Variants in ENAH observed in about 807,000 individuals in gnomAD.
The protein encoded by ENAH is ENAH actin regulator, also known as protein enabled homolog.
ENAH carries 23 observed loss-of-function variants against 78.7 expected under a neutral mutation model. That is an observed-to-expected ratio of 0.29 (90% CI 0.21 to 0.41). ENAH has a LOEUF of 0.41. ENAH is among the 10% of genes least tolerant of loss of function. The pLI is 1.00. For missense variants in ENAH, 544 were observed against 691.0 expected (o/e 0.79, Z 2.39); for synonymous variants, 226 against 241.0 (o/e 0.94, Z 0.58).
At chr1:225,589,710 A>G (rs909327730) in intron 1 of ENAH, among the ~76,000 whole-genome samples, 1 of 152,194 alleles carries the variant, frequency 6.6e-6, no homozygotes, top group Non-Finnish European at 1.5e-5. Context: ...AACTGTATAC[A>G]GAGAAGGATG....
intron 1 of ENAH, among the ~76,000 whole-genome samples, chr1:225,593,400 T>TGGGGGGGGGG (rs1456095465): frequency 4.9e-5 from 1 of 20,462 alleles, no homozygotes; most frequent in East Asian, 1.4e-3. Context: ...TGTGTGTGTG[T>TGGGGGGGGGG]GGGGGGGGGG....
At chr1:225,630,712 T>C (rs147969849) in intron 1 of ENAH, among the ~76,000 whole-genome samples, 3 of 152,332 alleles carry the variant, frequency 2.0e-5, no homozygotes, top group Non-Finnish European at 4.4e-5. Flanking sequence ...CATACAAGTT[T>C]AGGGTTCCTA....
intron 4 of ENAH, among the ~76,000 whole-genome samples, chr1:225,526,750 T>G (rs751740603): frequency 6.6e-6 from 1 of 152,226 alleles, no homozygotes; most frequent in Non-Finnish European, 1.5e-5. Flanking sequence ...ATTTCATCAA[T>G]GAAATATATT....
intron 1 of ENAH, among the ~76,000 whole-genome samples, chr1:225,626,176 TTCTCA>T (rs1331852210): frequency 1.3e-5 from 2 of 152,220 alleles, no homozygotes; most frequent in Non-Finnish European, 2.9e-5. Context: ...GTCAGCTCTG[TTCTCA>T]TCTTTGAGGT....
intron 1 of ENAH, among the ~76,000 whole-genome samples, chr1:225,627,111 G>C (rs1457870460): frequency 6.6e-6 from 1 of 152,156 alleles, no homozygotes; most frequent in Non-Finnish European, 1.5e-5. Flanking sequence ...GAGAAAGACA[G>C]TTTTAATACA....
At chr1:225,588,469 T>C (rs1239624019) in intron 1 of ENAH, among the ~76,000 whole-genome samples, 1 of 152,144 alleles carries the variant, frequency 6.6e-6, no homozygotes, top group Non-Finnish European at 1.5e-5. Flanking sequence ...TAACCCTAAC[T>C]CCCACACAGC....
intron 3 of ENAH, among the ~76,000 whole-genome samples, chr1:225,548,210 C>CT (rs74723965): frequency 0.67 from 96,883 of 144,106 alleles, 32,341 homozygotes; most frequent in Middle Eastern, 0.76. Context: ...TTTTCATTTT[C>CT]TTTTTTTTTT....
At chr1:225,638,317 C>T (rs545042036) in intron 1 of ENAH, among the ~76,000 whole-genome samples, 1 of 152,094 alleles carries the variant, frequency 6.6e-6, no homozygotes, top group South Asian at 2.1e-4. Context: ...CACCACCACA[C>T]CCAGCTAATA....
intron 3 of ENAH, among the ~76,000 whole-genome samples, chr1:225,544,733 A>G (rs1261037810): frequency 6.6e-6 from 1 of 152,240 alleles, no homozygotes; most frequent in Non-Finnish European, 1.5e-5. Context: ...CAAGAACTTA[A>G]AAGTCATAGA....
chr1:225,590,082 A>AACACACACACACACACACACAC (rs3050220), intron 1 of ENAH, among the ~76,000 whole-genome samples: 2 of 131,416 alleles, frequency 1.5e-5, no homozygotes, highest in African/African-American at 2.8e-5. Flanking sequence ...CTCATCACTC[A>AACACACACACACACACACACAC]ACACACACAC....
intron 1 of ENAH, among the ~76,000 whole-genome samples, chr1:225,570,866 G>T (rs559150599): frequency 6.6e-6 from 1 of 151,940 alleles, no homozygotes; most frequent in East Asian, 2.0e-4. Context: ...GGGAGGCTGA[G>T]GTAGGAGAAT....
At chr1:225,499,441 G>C (rs2096269575) in intron 12 of ENAH, among the ~76,000 whole-genome samples, 1 of 152,190 alleles carries the variant, frequency 6.6e-6, no homozygotes, top group Admixed American at 6.5e-5. Context: ...GGAGGCCAAG[G>C]CAGGCAGATC....
chr1:225,564,712 C>CA, intron 2 of ENAH, among the ~76,000 whole-genome samples: 1 of 152,232 alleles, frequency 6.6e-6, no homozygotes, highest in Admixed American at 6.5e-5. Flanking sequence ...GCTGGGATTA[C>CA]AGGTGTGAGC....
At chr1:225,633,743 CTATTAA>C (rs1659542355) in intron 1 of ENAH, among the ~76,000 whole-genome samples, 1 of 152,116 alleles carries the variant, frequency 6.6e-6, no homozygotes. Flanking sequence ...CAAATAATAT[CTATTAA>C]TATTATTTAT....
At chr1:225,622,352 C>T (rs1031841783) in intron 1 of ENAH, among the ~76,000 whole-genome samples, 1 of 152,108 alleles carries the variant, frequency 6.6e-6, no homozygotes, top group African/African-American at 2.4e-5. Context: ...CTTTGGGAGG[C>T]TGAGGCAGGA....
At chr1:225,610,239 T>C (rs1017545331) in intron 1 of ENAH, among the ~76,000 whole-genome samples, 9 of 152,088 alleles carry the variant, frequency 5.9e-5, no homozygotes, top group Non-Finnish European at 1.3e-4. Flanking sequence ...GTAGTGACAT[T>C]ATTTTGATTT....
intron 1 of ENAH, among the ~76,000 whole-genome samples, chr1:225,590,446 AAAAAAAG>A (rs200306466): frequency 0.036 from 5,409 of 152,128 alleles, 118 homozygotes; most frequent in Non-Finnish European, 0.05. Context: ...CCTGTCTCAA[AAAAAAAG>A]AAAAAAGAAA....
At chr1:225,498,322 A>AT (rs2096261257) in intron 13 of ENAH, 25 bp downstream of exon 13, 1 of 1,547,966 alleles carries the variant, frequency 6.5e-7, no homozygotes. Context: ...TTTTATAGGA[A>AT]TAGTAAATTT....
chr1:225,508,081 A>T (rs1000210319), intron 10 of ENAH, 64 bp from the exon 11 acceptor site: 2 of 1,047,240 alleles, frequency 1.9e-6, no homozygotes, highest in Non-Finnish European at 2.7e-6. Context: ...TATAAAACAA[A>T]TAACAAAATA....
Sources: gnomAD v4.1 joint callset for allele counts (sites outside exome capture counted in the v4.1 genomes callset) on GRCh38, gnomAD v4.1.1 for gene constraint, MANE v1.5 for transcripts, NCBI Gene and HGNC (gene_info 2026-07-23, HGNC 2026-07-21) for gene names.